The following PARD3 variants were observed in gnomAD, a reference collection of about 807,000 sequenced individuals.
PARD3 encodes par-3 family cell polarity regulator, also known as partitioning defective 3 homolog.
PARD3 carries 75 observed loss-of-function variants against 155.4 expected under a neutral mutation model. The observed-to-expected ratio is 0.48, with a 90% CI of 0.40 to 0.58. The LOEUF (loss-of-function observed/expected upper bound fraction) is 0.58. Ranked by LOEUF, PARD3 falls within the 20% of genes least tolerant of loss-of-function variation. The pLI, the probability that PARD3 is intolerant of heterozygous loss-of-function variation, is 0.00. For missense variants in PARD3, 1,642 were observed against 1,721.7 expected, an observed-to-expected ratio of 0.95 and a Z score of 0.82; for synonymous variants, 576 against 610.5, an observed-to-expected ratio of 0.94 and a Z score of 0.83.
At chr10:34,706,437 T>C (rs2094362917) in intron 1 of PARD3, among the ~76,000 whole-genome samples, 1 of 152,188 alleles carries the variant, frequency 6.6e-6, no homozygotes, top group Non-Finnish European at 1.5e-5. Flanking sequence ...GCTTCATTTG[T>C]TAATACAGTA....
chr10:34,726,779 G>C (rs2094721907), intron 1 of PARD3, among the ~76,000 whole-genome samples: 1 of 151,922 alleles, frequency 6.6e-6, no homozygotes, highest in African/African-American at 2.4e-5. Flanking sequence ...AAAAAGTGGG[G>C]GGAGGCGGGA....
At chr10:34,590,242 C>A (rs1458031781) in intron 2 of PARD3, among the ~76,000 whole-genome samples, 1 of 152,168 alleles carries the variant, frequency 6.6e-6, no homozygotes, top group Non-Finnish European at 1.5e-5. Context: ...CTCACAACGT[C>A]CCCCTGATGC....
intron 22 of PARD3, among the ~76,000 whole-genome samples, chr10:34,200,165 T>C (rs548859102): frequency 1.3e-4 from 20 of 152,324 alleles, no homozygotes; most frequent in African/African-American, 3.6e-4. Context: ...TCAGTTCATC[T>C]TGAAAACAAC....
intron 2 of PARD3, among the ~76,000 whole-genome samples, chr10:34,550,375 C>A (rs1290372557): frequency 6.6e-6 from 1 of 152,144 alleles, no homozygotes; most frequent in African/African-American, 2.4e-5. Flanking sequence ...CCACACCCGG[C>A]TAATTTTTAT....
intron 3 of PARD3, among the ~76,000 whole-genome samples, chr10:34,486,531 T>A (rs1234529535): frequency 6.6e-6 from 1 of 152,204 alleles, no homozygotes; most frequent in East Asian, 1.9e-4. Flanking sequence ...TTAAAGAAAC[T>A]ACAAGAAATT....
intron 2 of PARD3, among the ~76,000 whole-genome samples, chr10:34,663,003 T>G (rs1027336873): frequency 6.6e-6 from 1 of 151,496 alleles, no homozygotes; most frequent in East Asian, 1.9e-4. Context: ...ATCATGGAAA[T>G]AGAGAGTAGA....
At chr10:34,219,235 G>A (rs1343988294) in intron 22 of PARD3, among the ~76,000 whole-genome samples, 1 of 152,158 alleles carries the variant, frequency 6.6e-6, no homozygotes, top group African/African-American at 2.4e-5. Flanking sequence ...TTAGGAGGCT[G>A]ATATCCCAAC....
intron 2 of PARD3, among the ~76,000 whole-genome samples, chr10:34,684,689 A>AG (rs1350297457): frequency 6.6e-6 from 1 of 151,730 alleles, no homozygotes; most frequent in Non-Finnish European, 1.5e-5. Flanking sequence ...CACAGCCACC[A>AG]GGGGGATATT....
intron 22 of PARD3, among the ~76,000 whole-genome samples, chr10:34,257,658 C>T (rs1440245324): frequency 6.6e-6 from 1 of 152,206 alleles, no homozygotes; most frequent in Non-Finnish European, 1.5e-5. Context: ...TCTAAAACAG[C>T]TTTCATTTAT....
intron 4 of PARD3, among the ~76,000 whole-genome samples, chr10:34,455,522 G>A (rs1329285734): frequency 2.0e-5 from 3 of 151,654 alleles, no homozygotes; most frequent in Non-Finnish European, 4.4e-5. Flanking sequence ...AGACAGTCTC[G>A]CTCTGTTGCC....
At chr10:34,791,532 C>T (rs907279296) in intron 1 of PARD3, among the ~76,000 whole-genome samples, 5 of 152,072 alleles carry the variant, frequency 3.3e-5, no homozygotes, top group Non-Finnish European at 7.4e-5. Flanking sequence ...AGACAAGACG[C>T]GGGGACATGT....
intron 3 of PARD3, among the ~76,000 whole-genome samples, chr10:34,509,864 C>T (rs1218529660): frequency 6.6e-6 from 1 of 152,188 alleles, no homozygotes; most frequent in African/African-American, 2.4e-5. Context: ...TAAAAACTTC[C>T]AGGATGACAA....
At chr10:34,425,731 C>A (rs190036489) in intron 5 of PARD3, among the ~76,000 whole-genome samples, 1 of 152,160 alleles carries the variant, frequency 6.6e-6, no homozygotes, top group African/African-American at 2.4e-5. Flanking sequence ...TACTGTAATC[C>A]ATTTTCACCT....
At chr10:34,276,914 A>C (rs1955911302) in intron 21 of PARD3, among the ~76,000 whole-genome samples, 1 of 152,208 alleles carries the variant, frequency 6.6e-6, no homozygotes, top group Non-Finnish European at 1.5e-5. Flanking sequence ...TTAAAAAGTT[A>C]TGTCTGCAGA....
chr10:34,620,773 T>G (rs1207638764), intron 2 of PARD3, among the ~76,000 whole-genome samples: 2 of 152,202 alleles, frequency 1.3e-5, no homozygotes, highest in Non-Finnish European at 2.9e-5. Flanking sequence ...GTTGAATCAC[T>G]AACAATGAAC....
At chr10:34,199,503 G>T (rs1951108228) in intron 22 of PARD3, among the ~76,000 whole-genome samples, 2 of 152,060 alleles carry the variant, frequency 1.3e-5, no homozygotes, top group African/African-American at 4.8e-5. Context: ...AGTTAACGAG[G>T]TCATGGCCAT....
rs117314092 is a variant in PARD3, at chr10:34,463,034, G to A, written c.582+7051C>T. On this transcript the variant is annotated intron_variant, in intron 4 of 24. Transcript: ENST00000374788. ...GGAAGGGTAGGAAAGGGAACGAGGA[G>A]GGGAAGGGGAGGAAAGGGAAGGGGG... Among the ~76,000 whole-genome samples, 90 of 92,856 alleles carry A rather than the reference G, an allele frequency of 9.7e-4. 1 individual carries two copies. In the East Asian group the frequency reaches 0.022, roughly 22 times the overall value. The allele number at this position is 92,856 out of a possible 152,430, so 60.9% of individuals were successfully genotyped here. A position where few individuals can be genotyped will look rare whatever the true frequency, so the allele number is the denominator to read the frequency against.
chr10:34,132,119 T>A (rs1258654507), intron 22 of PARD3, among the ~76,000 whole-genome samples: 1 of 152,210 alleles, frequency 6.6e-6, no homozygotes, highest in Non-Finnish European at 1.5e-5. Flanking sequence ...AGGTTCCTAT[T>A]TATGAGTCAT....
chr10:34,262,387 C>T (rs1264204929), intron 22 of PARD3, among the ~76,000 whole-genome samples: 1 of 152,114 alleles, frequency 6.6e-6, no homozygotes, highest in Non-Finnish European at 1.5e-5. Context: ...CCACCTCAGC[C>T]TCCTGAGTAG....
Sources: gnomAD v4.1 joint callset for allele counts (sites outside exome capture counted in the v4.1 genomes callset) on GRCh38, gnomAD v4.1.1 for gene constraint, MANE v1.5 for transcripts, NCBI Gene and HGNC (gene_info 2026-07-23, HGNC 2026-07-21) for gene names.